PPP4R4: variants seen among roughly 807,000 people sequenced by gnomAD.
PPP4R4 encodes serine/threonine-protein phosphatase 4 regulatory subunit 4.
In PPP4R4, 70 loss-of-function variants were observed where a neutral mutation model predicts 121.8. The ratio of observed to expected loss-of-function variants is 0.57; its 90% CI spans 0.47 to 0.70. PPP4R4 has a LOEUF of 0.70. PPP4R4 is among the 30% of genes least tolerant of loss of function. The pLI is 0.00. For missense variants in PPP4R4, 875 were observed against 1,033.6 expected, an observed-to-expected ratio of 0.85 and a Z score of 2.10; for synonymous variants, 348 against 355.7, an observed-to-expected ratio of 0.98 and a Z score of 0.24.
In PPP4R4 at chr14:94,265,819, G is replaced by A. The variant is rs534899037; in HGVS notation, c.2310G>A (p.Leu770=). Residue 770 remains leucine (L), a synonymous_variant, in exon 22 of 25, where the codon CTG becomes CTA. Coordinates refer to ENST00000304338, the MANE Select transcript of PPP4R4 (RefSeq NM_058237.2). ...STSKEIKKSK[L]IRSQSFNNQA... is the part of the protein sequence containing the mutation. ...GTAAAGAAATCAAGAAATCCAAACT[G>A]ATTCGAAGCCAGTCTTTTAATAATC... 5.0e-6 allele frequency: 8 copies of A among 1,607,756 alleles called. No homozygotes were observed. In the Admixed American group the frequency reaches 1.0e-4, roughly 20 times the overall value.
At chr14:94,275,250 A>G (rs1894569874) in intron 23 of PPP4R4, 124 bp from the exon 24 acceptor site, 1 of 1,116,560 alleles carries the variant, frequency 9.0e-7, no homozygotes, top group East Asian at 2.4e-5. Flanking sequence ...TTGTATGTAA[A>G]TTATACCCTC....
intron 8 of PPP4R4, among the ~76,000 whole-genome samples, chr14:94,240,348 T>C (rs1892562959): frequency 6.6e-6 from 1 of 152,116 alleles, no homozygotes; most frequent in Non-Finnish European, 1.5e-5. Flanking sequence ...ATGTTAATGG[T>C]GTTAGAATTC....
chr14:94,243,788 T>A (rs1892749635), intron 11 of PPP4R4, among the ~76,000 whole-genome samples: 1 of 151,638 alleles, frequency 6.6e-6, no homozygotes, highest in African/African-American at 2.4e-5. Context: ...TTTTTTTTTT[T>A]AAAGTAATGA....
chr14:94,236,529 C>T (rs1166900961), intron 7 of PPP4R4, among the ~76,000 whole-genome samples: 2 of 152,064 alleles, frequency 1.3e-5, no homozygotes, highest in Non-Finnish European at 2.9e-5. Context: ...TGATCTAGAT[C>T]AATCTCTTAG....
At chr14:94,223,865 A>G (rs915897852) in intron 3 of PPP4R4, among the ~76,000 whole-genome samples, 6 of 150,566 alleles carry the variant, frequency 4.0e-5, no homozygotes, top group Non-Finnish European at 5.9e-5. Flanking sequence ...CTCTGTGCAC[A>G]TATATCCCTC....
chr14:94,227,210 A>C (rs1243036589), intron 3 of PPP4R4: 13 of 1,166,014 alleles, frequency 1.1e-5, no homozygotes, highest in Middle Eastern at 2.0e-4. Flanking sequence ...GTACAATAGT[A>C]ATGTAAGAGG....
At chr14:94,205,940 T>A (rs1383131457) in intron 2 of PPP4R4, among the ~76,000 whole-genome samples, 1 of 152,040 alleles carries the variant, frequency 6.6e-6, no homozygotes, top group Non-Finnish European at 1.5e-5. Flanking sequence ...ATGGAATGTG[T>A]ATTCTGCTGT....
chr14:94,265,664 T>C, intron 21 of PPP4R4, 130 bp from the exon 22 acceptor site: 1 of 822,334 alleles, frequency 1.2e-6, no homozygotes, highest in East Asian at 2.6e-5. Flanking sequence ...TTCAGTGAGC[T>C]CAAATTAAGG....
intron 19 of PPP4R4, among the ~76,000 whole-genome samples, chr14:94,264,397 C>T (rs1255114863): frequency 6.6e-6 from 1 of 152,072 alleles, no homozygotes; most frequent in East Asian, 1.9e-4. Flanking sequence ...GATGACTCAC[C>T]CATCTTGGCC....
rs774615783 is a variant in PPP4R4, at chr14:94,265,428, A to T, written c.2239A>T (p.Ile747Phe). 1.7e-5 allele frequency: 27 copies of T among 1,613,344 alleles called. No individual in the cohort carries two copies. The East Asian group carries it at 4.7e-4, about 28-fold the overall frequency. ...KTPTQSLPKNIPISVPGPSSV... is the reference protein window; with the variant it reads ...KTPTQSLPKNFPISVPGPSSV... ...ACCAACGCAAAGTCTGCCCAAGAAC[A>T]TCCCCATTTCTGTTCCTGGACCCTC... is the stretch of plus-strand genomic sequence containing the variant. Residue 747 changes from isoleucine (I) to phenylalanine (F), a missense_variant, in exon 21 of 25, where the codon ATC becomes TTC. Transcript: ENST00000304338.
chr14:94,239,350 C>T (rs1892510396), intron 8 of PPP4R4, among the ~76,000 whole-genome samples: 1 of 104,332 alleles, frequency 9.6e-6, no homozygotes, highest in African/African-American at 3.7e-5. Context: ...CCTCCCCCCT[C>T]CCCCCACCCC....
chr14:94,246,249 C>A, intron 13 of PPP4R4, 108 bp from the exon 14 acceptor site: 1 of 914,380 alleles, frequency 1.1e-6, no homozygotes, highest in Non-Finnish European at 1.6e-6. Flanking sequence ...CTCCTAAACT[C>A]TGAAATGAGA....
chr14:94,175,692 T>A (rs1349146730), intron 1 of PPP4R4: 1 of 211,538 alleles, frequency 4.7e-6, no homozygotes, highest in Admixed American at 5.4e-5. Flanking sequence ...TGGAAAATGC[T>A]GGAGAAATAG....
intron 2 of PPP4R4, among the ~76,000 whole-genome samples, chr14:94,202,358 A>T (rs1890236630): frequency 6.6e-6 from 1 of 152,220 alleles, no homozygotes; most frequent in Non-Finnish European, 1.5e-5. Flanking sequence ...GTTTGTTAAA[A>T]ATTACATAAA....
intron 2 of PPP4R4, among the ~76,000 whole-genome samples, chr14:94,205,776 C>G (rs986798227): frequency 6.6e-6 from 1 of 151,712 alleles, no homozygotes; most frequent in South Asian, 2.1e-4. Flanking sequence ...TGTTTAGTTT[C>G]CAAGAGTTGG....
chr14:94,242,184 A>G, intron 10 of PPP4R4, 105 bp from the exon 11 acceptor site: 1 of 1,381,888 alleles, frequency 7.2e-7, no homozygotes, highest in East Asian at 2.3e-5. Context: ...TTAAATTACA[A>G]TTCAGAGAAC....
chr14:94,227,324 G>A, intron 3 of PPP4R4: 1 of 1,612,494 alleles, frequency 6.2e-7, no homozygotes, highest in East Asian at 2.2e-5. Flanking sequence ...AGAGAGTATG[G>A]ATCTCACATA....
chr14:94,196,309 G>GTTTTTTTTTTTTTTTTTTTTTTTTT (rs5810663), intron 2 of PPP4R4, among the ~76,000 whole-genome samples: 1 of 88,354 alleles, frequency 1.1e-5, no homozygotes. Flanking sequence ...TCTTTCAAAG[G>GTTTTTTTTTTTTTTTTTTTTTTTTT]TTTTTTTTTT....
rs1009269510 is a variant in PPP4R4 at position 94,278,835 on chromosome 14, G to A, written c.*192G>A. On this transcript the variant is annotated 3_prime_UTR_variant, in exon 25 of 25. Coordinates refer to ENST00000304338, the MANE Select transcript of PPP4R4 (RefSeq NM_058237.2). Reference sequence around the variant, plus strand: ...TTCATATTTCAAATTAGATTCCCTAGGAGGTATAATATATATTTCTTGAGT... The same window carrying A: ...TTCATATTTCAAATTAGATTCCCTAAGAGGTATAATATATATTTCTTGAGT... The A allele has an allele frequency of 5.0e-6, 2 of 396,402 alleles. No individual in the cohort carries two copies. Among genetic ancestry groups the A allele is most frequent in the African/African-American group, 2.1e-5 (1 of 48,144 alleles). 24.6% of individuals were successfully genotyped at this position (396,402 alleles called of 1,614,324 possible). A position where few individuals can be genotyped will look rare whatever the true frequency, so the allele number is the denominator to read the frequency against.
Sources: allele counts gnomAD v4.1 joint callset (sites outside exome capture counted in the v4.1 genomes callset), GRCh38; gene constraint gnomAD v4.1.1; transcripts MANE v1.5; gene names NCBI Gene and HGNC (gene_info 2026-07-23, HGNC 2026-07-21).